WWC2: variants seen among roughly 807,000 people sequenced by gnomAD.
The protein encoded by WWC2 is protein WWC2.
WWC2 carries 101 observed loss-of-function variants against 138.5 expected under a neutral mutation model. The ratio of observed to expected loss-of-function variants is 0.73; its 90% CI spans 0.62 to 0.86. The LOEUF (loss-of-function observed/expected upper bound fraction) is 0.86, where lower values mean the gene tolerates loss of function less well. Among genes scored for constraint, WWC2 ranks in the 40% least tolerant of loss-of-function variants. The probability of loss-of-function intolerance (pLI) is 0.00; values close to 1 mark genes in which losing one functional copy is unlikely to be tolerated. For synonymous variants in WWC2, 558 were observed against 538.4 expected, an observed-to-expected ratio of 1.04 and a Z score of -0.50; for missense variants, 1,420 against 1,419.4, an observed-to-expected ratio of 1.00 and a Z score of -0.01.
At chr4:183,145,811 A>G (rs1561435181) in intron 1 of WWC2, among the ~76,000 whole-genome samples, 1 of 152,190 alleles carries the variant, frequency 6.6e-6, no homozygotes, top group Non-Finnish European at 1.5e-5. Flanking sequence ...TCTCGGATTG[A>G]TGTTTTTATG....
intron 1 of WWC2, among the ~76,000 whole-genome samples, chr4:183,174,103 G>A (rs1012390926): frequency 1.3e-5 from 2 of 152,140 alleles, no homozygotes; most frequent in Non-Finnish European, 2.9e-5. Flanking sequence ...AATGGAAATG[G>A]GGCTTGGGAT....
chr4:183,281,120 G>A (rs1738058358), intron 17 of WWC2: 1 of 535,596 alleles, frequency 1.9e-6, no homozygotes, highest in Non-Finnish European at 3.0e-6. Context: ...CTTTGTTCTT[G>A]TTTCGAGTAA....
intron 9 of WWC2, 139 bp from the exon 10 acceptor site, chr4:183,259,500 G>GGT (rs1737256534): frequency 1.5e-6 from 1 of 656,070 alleles, no homozygotes; most frequent in Admixed American, 3.3e-5. Context: ...ACTTCTTGCC[G>GGT]GTGTCCTGTT....
chr4:183,222,171 G>C (rs1228627998), intron 4 of WWC2, among the ~76,000 whole-genome samples: 1 of 152,116 alleles, frequency 6.6e-6, no homozygotes, highest in South Asian at 2.1e-4. Flanking sequence ...GAAATATTTT[G>C]TTGTCGTCCT....
chr4:183,308,974 A>G (rs143701415), intron 21 of WWC2, among the ~76,000 whole-genome samples: 93 of 152,298 alleles, frequency 6.1e-4, no homozygotes, highest in African/African-American at 2.1e-3. Context: ...AAAATAAATC[A>G]AAAAAAGATC....
At chr4:183,189,135 TGATA>T (rs1278614577) in intron 1 of WWC2, among the ~76,000 whole-genome samples, 4 of 151,978 alleles carry the variant, frequency 2.6e-5, no homozygotes, top group South Asian at 2.1e-4. Flanking sequence ...CCCTATCTAG[TGATA>T]GATAGAAGTT....
intron 4 of WWC2, among the ~76,000 whole-genome samples, chr4:183,212,815 T>A (rs542584171): frequency 6.6e-6 from 1 of 152,162 alleles, no homozygotes; most frequent in Non-Finnish European, 1.5e-5. Flanking sequence ...CCCAGAATTG[T>A]CTTCTAATGT....
At chr4:183,245,387 A>AT in intron 5 of WWC2, 29 bp from the exon 6 acceptor site, 2 of 1,482,134 alleles carry the variant, frequency 1.3e-6, no homozygotes, top group Non-Finnish European at 8.9e-7. Flanking sequence ...ATTCTTTGAT[A>AT]TTTTTTCTTT....
intron 7 of WWC2, among the ~76,000 whole-genome samples, 170 bp from the exon 8 acceptor site, chr4:183,249,750 T>C (rs1736913324): frequency 6.6e-6 from 1 of 152,220 alleles, no homozygotes; most frequent in Admixed American, 6.5e-5. Context: ...GAAAGAAATG[T>C]TTTGCCCCTA....
intron 4 of WWC2, among the ~76,000 whole-genome samples, chr4:183,215,703 A>C (rs527874483): frequency 6.6e-6 from 1 of 152,158 alleles, no homozygotes; most frequent in East Asian, 1.9e-4. Flanking sequence ...ATGAAACTGC[A>C]GGCTAAATAT....
intron 1 of WWC2, among the ~76,000 whole-genome samples, chr4:183,175,344 C>T (rs1351319385): frequency 6.6e-6 from 1 of 152,120 alleles, no homozygotes; most frequent in Non-Finnish European, 1.5e-5. Context: ...TCACTGTAGC[C>T]TTGATCTCCT....
rs373870980 is a variant in WWC2 at position 183,261,197 on chromosome 4, T to C, written c.1574T>C (p.Val525Ala). 9 of 1,613,074 alleles carry C rather than the reference T, an allele frequency of 5.6e-6. No individual in the cohort carries two copies. The highest frequency in any genetic ancestry group is 6.8e-6 in the Non-Finnish European group (8 of 1,179,600). Residue 525 changes from valine to alanine, a missense_variant, in exon 11 of 23, where the codon GTG becomes GCG. Val to Ala is a moderately conservative substitution (Grantham distance 64, BLOSUM62 0). Coordinates refer to ENST00000403733, the MANE Select transcript of WWC2 (RefSeq NM_024949.6). ...SQPGQSGLCG[V>A]AAAATGHTPP... Reference sequence around the variant, plus strand: ...CCTGGCCAGAGTGGACTCTGTGGAGTGGCAGCTGCAGCAACAGGCCACACT... The same window carrying C: ...CCTGGCCAGAGTGGACTCTGTGGAGCGGCAGCTGCAGCAACAGGCCACACT...
chr4:183,290,704 C>G (rs1738419332), intron 21 of WWC2, among the ~76,000 whole-genome samples: 1 of 152,152 alleles, frequency 6.6e-6, no homozygotes, highest in Non-Finnish European at 1.5e-5. Flanking sequence ...TTCCACATAG[C>G]TGAAATACTA....
chr4:183,167,517 G>A (rs1160528109), intron 1 of WWC2, among the ~76,000 whole-genome samples: 1 of 152,138 alleles, frequency 6.6e-6, no homozygotes, highest in Admixed American at 6.5e-5. Flanking sequence ...TACTCCGGAT[G>A]TCCTGATGTC....
chr4:183,313,387 CGGGTAA>C (rs1739329063), intron 22 of WWC2, among the ~76,000 whole-genome samples: 1 of 151,862 alleles, frequency 6.6e-6, no homozygotes, highest in Non-Finnish European at 1.5e-5. Flanking sequence ...TGGGGAGAAG[CGGGTAA>C]GGGTGGCCAG....
intron 21 of WWC2, among the ~76,000 whole-genome samples, chr4:183,293,495 T>C (rs1417759068): frequency 6.6e-6 from 1 of 152,184 alleles, no homozygotes; most frequent in African/African-American, 2.4e-5. Flanking sequence ...TGATAAAGAA[T>C]AACTTAAAGT....
intron 21 of WWC2, among the ~76,000 whole-genome samples, chr4:183,301,284 T>TA (rs1738832434): frequency 6.6e-6 from 1 of 152,178 alleles, no homozygotes; most frequent in South Asian, 2.1e-4. Context: ...GTAACTAAAA[T>TA]ATCACATTTG....
intron 5 of WWC2, 116 bp from the exon 6 acceptor site, chr4:183,245,300 C>A: frequency 1.4e-6 from 1 of 727,568 alleles, no homozygotes; most frequent in Non-Finnish European, 1.9e-6. Context: ...TGGTATATGA[C>A]AGTCAGCAGT....
Position 183,265,027 on chromosome 4 carries a change from G to GA in WWC2, c.1963dup (p.Thr655AsnfsTer10). ...GAAGAGTGATCCACTTGCTTGGGGA[G>GA]AAAACCACTTGTGTGTCGGCTGCTG... On this transcript the variant is annotated frameshift_variant, in exon 12 of 23. Transcript: ENST00000403733. LOFTEE classifies it high-confidence loss of function. The GA allele has an allele frequency of 6.2e-7, 1 of 1,613,762 alleles. No homozygotes were observed. The highest frequency in any genetic ancestry group is 8.5e-7 in the Non-Finnish European group (1 of 1,179,736).
Sources: allele counts gnomAD v4.1 joint callset (sites outside exome capture counted in the v4.1 genomes callset), GRCh38; gene constraint gnomAD v4.1.1; transcripts MANE v1.5; gene names NCBI Gene and HGNC (gene_info 2026-07-23, HGNC 2026-07-21).